The following MLLT10 variants were observed in gnomAD, a reference collection of about 807,000 sequenced individuals.
MLLT10 encodes MLLT10 histone lysine methyltransferase DOT1L cofactor.
Under a neutral mutation model 129.1 loss-of-function variants are expected in MLLT10, and 30 were observed. The observed-to-expected ratio is 0.23, with a 90% CI of 0.17 to 0.32. The LOEUF (loss-of-function observed/expected upper bound fraction) is 0.32, where lower values mean the gene tolerates loss of function less well. MLLT10 is among the 10% of genes least tolerant of loss of function. The pLI, the probability that MLLT10 is intolerant of heterozygous loss-of-function variation, is 1.00. For missense variants in MLLT10, 1,119 were observed against 1,268.3 expected (o/e 0.88, Z 1.79); for synonymous variants, 490 against 446.4 (o/e 1.10, Z -1.23).
intron 13 of MLLT10, among the ~76,000 whole-genome samples, chr10:21,690,485 C>T (rs1482699568): frequency 6.6e-6 from 1 of 151,926 alleles, no homozygotes; most frequent in Non-Finnish European, 1.5e-5. Flanking sequence ...TTTACAAAAG[C>T]GTTTTCTTTT....
chr10:21,583,599 A>G (rs1200977604), intron 3 of MLLT10, among the ~76,000 whole-genome samples: 7 of 152,126 alleles, frequency 4.6e-5, no homozygotes, highest in African/African-American at 1.7e-4. Context: ...GGCTGAGGAA[A>G]CTTTTACTCA....
In MLLT10 at chr10:21,743,022, A is replaced by G. The variant is rs1833868581; in HGVS notation, c.*1039A>G. ...TGTTTTATTTAAACCACTTCCCATT[A>G]CTGACCATTAAAAGCTCACCACTAG... On this transcript the variant is annotated 3_prime_UTR_variant, in exon 23 of 23. Coordinates refer to ENST00000307729, the MANE Select transcript of MLLT10 (RefSeq NM_001195626.3). 2 of 230,400 alleles carry G rather than the reference A, an allele frequency of 8.7e-6. No individual in the cohort carries two copies. The highest frequency in any genetic ancestry group is 4.4e-5 in the African/African-American group (2 of 45,286). The allele number at this position is 230,400 out of a possible 1,614,324, so 14.3% of individuals were successfully genotyped here. A position where few individuals can be genotyped will look rare whatever the true frequency, so the allele number is the denominator to read the frequency against.
intron 10 of MLLT10, among the ~76,000 whole-genome samples, chr10:21,672,743 T>C (rs1420260151): frequency 1.3e-5 from 2 of 152,218 alleles, no homozygotes; most frequent in African/African-American, 2.4e-5. Flanking sequence ...AGATTCCATA[T>C]GATCATTATT....
intron 5 of MLLT10, among the ~76,000 whole-genome samples, chr10:21,604,451 G>A (rs1207250104): frequency 1.3e-5 from 2 of 152,096 alleles, no homozygotes; most frequent in South Asian, 2.1e-4. Flanking sequence ...TTAGCGAGGT[G>A]TAGTGGCACA....
At chr10:21,579,872 A>T (rs1335308992) in intron 3 of MLLT10, among the ~76,000 whole-genome samples, 1 of 151,672 alleles carries the variant, frequency 6.6e-6, no homozygotes. Flanking sequence ...CTCAGATTAG[A>T]TTCTATCTAT....
At chr10:21,714,357 C>A (rs954531577) in intron 14 of MLLT10, among the ~76,000 whole-genome samples, 1 of 151,046 alleles carries the variant, frequency 6.6e-6, no homozygotes. Flanking sequence ...TAAAAAAAAC[C>A]GTGTAGGAGA....
At chr10:21,585,692 CT>C (rs1289432991) in intron 3 of MLLT10, among the ~76,000 whole-genome samples, 1 of 152,176 alleles carries the variant, frequency 6.6e-6, no homozygotes, top group African/African-American at 2.4e-5. Flanking sequence ...TTTTCTCCCG[CT>C]CCCCAGGTAA....
At chr10:21,611,051 C>CAATG (rs926064760) in intron 5 of MLLT10, among the ~76,000 whole-genome samples, 4 of 135,494 alleles carry the variant, frequency 3.0e-5, no homozygotes, top group Non-Finnish European at 4.6e-5. Context: ...GCCTGGAGTG[C>CAATG]AATGGCATGA....
intron 3 of MLLT10, among the ~76,000 whole-genome samples, chr10:21,547,502 C>T (rs1442116392): frequency 6.7e-6 from 1 of 149,908 alleles, no homozygotes; most frequent in Non-Finnish European, 1.5e-5. Context: ...TTCTAAGTAG[C>T]TGGAATTACT....
chr10:21,682,194 A>G, intron 12 of MLLT10, 31 bp from the exon 13 acceptor site: 1 of 1,598,590 alleles, frequency 6.3e-7, no homozygotes, highest in East Asian at 2.3e-5. Context: ...GAATGATCTT[A>G]ACCTGAAGTC....
At chr10:21,691,485 G>A (rs1354372508) in intron 13 of MLLT10, among the ~76,000 whole-genome samples, 2 of 152,070 alleles carry the variant, frequency 1.3e-5, no homozygotes, top group East Asian at 1.9e-4. Context: ...TTTCCATCAT[G>A]CATGCATTAG....
intron 13 of MLLT10, among the ~76,000 whole-genome samples, chr10:21,695,411 A>G (rs1370428477): frequency 6.6e-6 from 1 of 152,182 alleles, no homozygotes; most frequent in Non-Finnish European, 1.5e-5. Context: ...AGCAGTACCT[A>G]GATTAGCGTT....
intron 13 of MLLT10, among the ~76,000 whole-genome samples, chr10:21,712,872 C>G (rs2056227694): frequency 6.6e-6 from 1 of 152,212 alleles, no homozygotes; most frequent in Non-Finnish European, 1.5e-5. Context: ...TCCTGAAAGC[C>G]TCTCCTTCTC....
chr10:21,551,723 GGT>G (rs2037063872), intron 3 of MLLT10: 2 of 358,368 alleles, frequency 5.6e-6, no homozygotes, highest in Non-Finnish European at 1.1e-5. Flanking sequence ...CCTAGCATAT[GGT>G]ATCTGTTTAT....
chr10:21,712,803 G>T (rs1046038588), intron 13 of MLLT10, among the ~76,000 whole-genome samples: 2 of 152,250 alleles, frequency 1.3e-5, no homozygotes, highest in African/African-American at 4.8e-5. Context: ...AATGTCCCTT[G>T]TGGGGCAAAA....
chr10:21,558,152 T>C (rs1416622979), intron 3 of MLLT10, among the ~76,000 whole-genome samples: 5 of 151,972 alleles, frequency 3.3e-5, no homozygotes, highest in South Asian at 2.1e-4. Context: ...GGTTTTGCCA[T>C]GTTGGCCAGG....
chr10:21,636,043 GC>G (rs1589360635), intron 8 of MLLT10, among the ~76,000 whole-genome samples: 1 of 149,198 alleles, frequency 6.7e-6, no homozygotes, highest in East Asian at 2.0e-4. Flanking sequence ...ACTTAACCTA[GC>G]CTTGCCTTTC....
chr10:21,719,475 C>G (rs565756117), intron 14 of MLLT10, among the ~76,000 whole-genome samples: 5 of 152,204 alleles, frequency 3.3e-5, no homozygotes, highest in Non-Finnish European at 5.9e-5. Flanking sequence ...TTAGCCTGCT[C>G]TCTTATTACT....
At chr10:21,545,926 T>G (rs981062910) in intron 3 of MLLT10, among the ~76,000 whole-genome samples, 3 of 152,102 alleles carry the variant, frequency 2.0e-5, no homozygotes, top group African/African-American at 4.8e-5. Context: ...GTTGTCCTCC[T>G]AAAGTGTTGG....
Sources: gnomAD v4.1 joint callset for allele counts (sites outside exome capture counted in the v4.1 genomes callset) on GRCh38, gnomAD v4.1.1 for gene constraint, MANE v1.5 for transcripts, NCBI Gene and HGNC (gene_info 2026-07-23, HGNC 2026-07-21) for gene names.